BEND6: variants seen among roughly 807,000 people sequenced by gnomAD.
BEND6 encodes BEN domain containing 6, also known as BEN domain-containing protein 6.
Under a neutral mutation model 31.8 loss-of-function variants are expected in BEND6, and 24 were observed. That is an observed-to-expected ratio of 0.75 (90% confidence interval 0.55 to 1.06). BEND6 has a LOEUF of 1.06. Ranked by LOEUF, BEND6 falls within the 50% of genes least tolerant of loss-of-function variation. The probability of loss-of-function intolerance (pLI) is 0.00; values close to 1 mark genes in which losing one functional copy is unlikely to be tolerated. For missense variants in BEND6, 294 were observed against 327.4 expected (o/e 0.90, Z 0.79); for synonymous variants, 109 against 114.6 (o/e 0.95, Z 0.31).
intron 3 of BEND6, among the ~76,000 whole-genome samples, chr6:57,007,716 G>T (rs937810523): frequency 6.6e-6 from 1 of 152,026 alleles, no homozygotes; most frequent in African/African-American, 2.4e-5. Context: ...GATAGCTTGG[G>T]TCCAGGAGTT....
chr6:57,001,468 A>C (rs557932731), intron 3 of BEND6, among the ~76,000 whole-genome samples: 11 of 152,276 alleles, frequency 7.2e-5, no homozygotes, highest in Admixed American at 2.0e-4. Context: ...TGGCAAGAAA[A>C]AAAATCTTAA....
At chr6:56,968,676 A>G (rs1213440471) in intron 1 of BEND6, among the ~76,000 whole-genome samples, 1 of 151,932 alleles carries the variant, frequency 6.6e-6, no homozygotes, top group Non-Finnish European at 1.5e-5. Flanking sequence ...GTTATGCCAT[A>G]ACAGTTTGGC....
chr6:56,993,393 C>T (rs1826584605), intron 3 of BEND6, among the ~76,000 whole-genome samples: 1 of 152,104 alleles, frequency 6.6e-6, no homozygotes, highest in Non-Finnish European at 1.5e-5. Flanking sequence ...ACAAGTGGTA[C>T]AAGAAAGTGA....
chr6:56,962,809 T>C (rs765498308), intron 1 of BEND6, among the ~76,000 whole-genome samples: 2 of 152,200 alleles, frequency 1.3e-5, no homozygotes, highest in Non-Finnish European at 2.9e-5. Context: ...ATGATCATTA[T>C]TCACCTGTGC....
Position 57,015,241 on chromosome 6 carries a change from C to T in BEND6, c.407C>T (p.Thr136Ile). 6.2e-7 allele frequency: 1 copy of T among 1,614,142 alleles called. No individual in the cohort carries two copies. Among genetic ancestry groups the T allele is most frequent in the Non-Finnish European group, 8.5e-7 (1 of 1,180,012 alleles). The change falls in exon 4 of 7, where the codon ACA becomes ATA. Residue 136 changes from threonine (T) to isoleucine (I), a missense_variant. Thr to Ile is a moderately conservative substitution (Grantham distance 89). Coordinates refer to ENST00000370746, the MANE Select transcript of BEND6 (RefSeq NM_152731.3). ...TCTGCATCCACCCTCTGGAGAGCAACAAACAACTCCTCGCCAGATTCATTT... is the reference window on the plus strand; with the variant it reads ...TCTGCATCCACCCTCTGGAGAGCAATAAACAACTCCTCGCCAGATTCATTT... ...STSASTLWRA[T>I]NNSSPDSFAS...
intron 1 of BEND6, among the ~76,000 whole-genome samples, chr6:56,971,387 G>A (rs1419755899): frequency 6.6e-6 from 1 of 152,098 alleles, no homozygotes; most frequent in Non-Finnish European, 1.5e-5. Context: ...GATGGACATG[G>A]GTTGCTTCCT....
intron 6 of BEND6, among the ~76,000 whole-genome samples, chr6:57,023,269 A>T (rs551858476): frequency 6.6e-6 from 1 of 152,210 alleles, no homozygotes; most frequent in South Asian, 2.1e-4. Flanking sequence ...CTCCCTTTAG[A>T]TCTATTAATG....
At chr6:56,973,373 G>A (rs1426643436) in intron 1 of BEND6, among the ~76,000 whole-genome samples, 1 of 152,138 alleles carries the variant, frequency 6.6e-6, no homozygotes. Context: ...CTTATCCACG[G>A]AAGATGCATT....
At chr6:56,965,676 TTATATATATA>T (rs35074783) in intron 1 of BEND6, among the ~76,000 whole-genome samples, 130 of 136,554 alleles carry the variant, frequency 9.5e-4, no homozygotes, top group African/African-American at 2.9e-3. Flanking sequence ...ACAAAAAAAT[TTATATATATA>T]TATATATATA....
intron 3 of BEND6, among the ~76,000 whole-genome samples, chr6:57,000,658 G>A (rs1214661301): frequency 1.3e-5 from 2 of 150,446 alleles, no homozygotes; most frequent in African/African-American, 4.9e-5. Context: ...AGTAGGAGTT[G>A]ACCCTTTCCA....
chr6:56,986,678 T>A (rs1470845024), intron 2 of BEND6, among the ~76,000 whole-genome samples: 1 of 152,204 alleles, frequency 6.6e-6, no homozygotes, highest in Non-Finnish European at 1.5e-5. Context: ...CTCAATGAAT[T>A]CTAAATTCTT....
intron 6 of BEND6, among the ~76,000 whole-genome samples, chr6:57,021,034 T>G (rs2127894792): frequency 6.6e-6 from 1 of 152,254 alleles, no homozygotes; most frequent in African/African-American, 2.4e-5. Flanking sequence ...GAACAGACAT[T>G]TTGCTATGAA....
intron 1 of BEND6, among the ~76,000 whole-genome samples, chr6:56,957,344 T>A (rs959456311): frequency 6.6e-6 from 1 of 152,240 alleles, no homozygotes; most frequent in African/African-American, 2.4e-5. Context: ...ATACTAATAA[T>A]AAACAAACCA....
chr6:56,996,476 A>C (rs897436700), intron 3 of BEND6, among the ~76,000 whole-genome samples: 11 of 152,044 alleles, frequency 7.2e-5, no homozygotes, highest in African/African-American at 1.9e-4. Flanking sequence ...AAAACAAAAA[A>C]AAACACACAA....
chr6:56,974,653 G>A (rs1161677851), intron 1 of BEND6, among the ~76,000 whole-genome samples: 2 of 152,196 alleles, frequency 1.3e-5, no homozygotes, highest in Non-Finnish European at 1.5e-5. Context: ...CAGTGATGCA[G>A]CTTTAATAAT....
At chr6:56,973,335 T>A (rs1825753992) in intron 1 of BEND6, among the ~76,000 whole-genome samples, 1 of 152,184 alleles carries the variant, frequency 6.6e-6, no homozygotes. Context: ...GGGTGCATAC[T>A]GTGTCTCTCA....
Position 57,018,526 on chromosome 6 carries a change from T to G in BEND6, c.818T>G (p.Leu273Arg). The G allele has an allele frequency of 1.3e-6, 2 of 1,572,866 alleles. No homozygotes were observed. Among genetic ancestry groups the G allele is most frequent in the Non-Finnish European group, 1.7e-6 (2 of 1,165,556 alleles). Residue 273 changes from leucine to arginine, a missense_variant, in exon 6 of 7, where the codon CTT becomes CGT. By Grantham distance (102) the Leu-to-Arg change is moderately radical (BLOSUM62 -2). Transcript: ENST00000370746. Reference protein sequence around the residue: ...CTKKPNLSKNLNSQDIK With the variant: ...CTKKPNLSKNRNSQDIK ...AAGAAGCCAAATTTAAGCAAAAATCTTAACTCTCAGGATATTAAATAGATC... is the reference window on the plus strand; with the variant it reads ...AAGAAGCCAAATTTAAGCAAAAATCGTAACTCTCAGGATATTAAATAGATC...
chr6:56,991,827 T>TA (rs1826514298), intron 2 of BEND6, among the ~76,000 whole-genome samples: 1 of 152,124 alleles, frequency 6.6e-6, no homozygotes, highest in African/African-American at 2.4e-5. Flanking sequence ...TGTCAGCTAC[T>TA]ACCCCACACT....
chr6:57,015,205 C>G lies in BEND6; in HGVS notation c.371C>G (p.Thr124Ser), dbSNP rs765939236. The change falls in exon 4 of 7, where the codon ACC becomes AGC. Residue 124 changes from threonine (T) to serine (S), a missense_variant. By Grantham distance (58) the Thr-to-Ser change is moderately conservative. Coordinates refer to ENST00000370746, the MANE Select transcript of BEND6 (RefSeq NM_152731.3). Reference sequence around the variant, plus strand: ...GAGGCTCTGCTTAAGGGTGGGGGAACCATGTCTACATCTGCATCCACCCTC... The same window carrying G: ...GAGGCTCTGCTTAAGGGTGGGGGAAGCATGTCTACATCTGCATCCACCCTC... ...MAEALLKGGG[T>S]MSTSASTLWR... 2.5e-6 allele frequency: 4 copies of G among 1,614,158 alleles called. No homozygotes were observed. Among genetic ancestry groups the G allele is most frequent in the Non-Finnish European group, 3.4e-6 (4 of 1,180,026 alleles).
Sources: allele counts gnomAD v4.1 joint callset (sites outside exome capture counted in the v4.1 genomes callset), GRCh38; gene constraint gnomAD v4.1.1; transcripts MANE v1.5; gene names NCBI Gene and HGNC (gene_info 2026-07-23, HGNC 2026-07-21).